Variants in CACNA2D1 observed in about 807,000 individuals in gnomAD.
The protein encoded by CACNA2D1 is voltage-dependent calcium channel subunit alpha-2/delta-1.
In CACNA2D1, 53 loss-of-function variants were observed where a neutral mutation model predicts 171.5. The observed-to-expected ratio is 0.31, with a 90% CI of 0.25 to 0.39. The LOEUF (loss-of-function observed/expected upper bound fraction) is 0.39. CACNA2D1 is among the 10% of genes least tolerant of loss of function. CACNA2D1 has a pLI of 1.00. For missense variants in CACNA2D1, 903 were observed against 1,299.8 expected (o/e 0.69, Z 4.69); for synonymous variants, 442 against 443.1 (o/e 1.00, Z 0.03).
At chr7:82,332,292 C>G (rs893441682) in intron 3 of CACNA2D1, among the ~76,000 whole-genome samples, 1 of 152,018 alleles carries the variant, frequency 6.6e-6, no homozygotes, top group Non-Finnish European at 1.5e-5. Context: ...GAACTCCTGA[C>G]CTCAGCTCCC....
intron 10 of CACNA2D1, among the ~76,000 whole-genome samples, chr7:82,049,362 C>T (rs947530146): frequency 3.3e-5 from 5 of 151,756 alleles, no homozygotes; most frequent in Non-Finnish European, 7.4e-5. Flanking sequence ...GTTTTAAGAC[C>T]TCCTCCCATC....
At chr7:82,123,573 C>T (rs1466358879) in intron 5 of CACNA2D1, among the ~76,000 whole-genome samples, 1 of 152,176 alleles carries the variant, frequency 6.6e-6, no homozygotes, top group Non-Finnish European at 1.5e-5. Flanking sequence ...AGCTCCTTCA[C>T]AGGCCCTCTT....
At chr7:81,999,808 C>G (rs1798405040) in intron 18 of CACNA2D1, among the ~76,000 whole-genome samples, 1 of 152,072 alleles carries the variant, frequency 6.6e-6, no homozygotes, top group Non-Finnish European at 1.5e-5. Context: ...AAGGCATAAA[C>G]ATAATTTTAA....
intron 1 of CACNA2D1, among the ~76,000 whole-genome samples, chr7:82,414,809 G>C (rs1828006173): frequency 6.6e-6 from 1 of 152,192 alleles, no homozygotes. Context: ...ATACACCCTA[G>C]AAGTGGACAC....
At chr7:82,097,812 C>T (rs1381523834) in intron 6 of CACNA2D1, among the ~76,000 whole-genome samples, 1 of 152,058 alleles carries the variant, frequency 6.6e-6, no homozygotes, top group East Asian at 1.9e-4. Flanking sequence ...TATGAATCCT[C>T]AGGTTTAAGA....
At chr7:82,203,949 T>C (rs2282940) in intron 3 of CACNA2D1, among the ~76,000 whole-genome samples, 29,884 of 152,136 alleles carry the variant, frequency 0.2, 3,275 homozygotes, top group African/African-American at 0.29. Context: ...AGCAGCCAAG[T>C]ATGCTGAGTA....
intron 7 of CACNA2D1, among the ~76,000 whole-genome samples, chr7:82,071,757 T>G (rs1246234672): frequency 2.0e-5 from 3 of 152,192 alleles, no homozygotes; most frequent in Admixed American, 1.3e-4. Context: ...TGCCAGAAAC[T>G]ATACTTTTCA....
chr7:82,012,010 A>C, intron 15 of CACNA2D1, 144 bp downstream of exon 15: 1 of 669,386 alleles, frequency 1.5e-6, no homozygotes. Flanking sequence ...AAATTATATA[A>C]ATTCTAGGAA....
intron 1 of CACNA2D1, among the ~76,000 whole-genome samples, chr7:82,405,624 T>C (rs978983689): frequency 6.6e-6 from 1 of 152,192 alleles, no homozygotes; most frequent in African/African-American, 2.4e-5. Context: ...ATACATAATA[T>C]ATGTACTTAC....
Position 81,950,185 on chromosome 7 carries a change from C to T in CACNA2D1, c.*207G>A, listed in dbSNP as rs916899552. On this transcript the variant is annotated 3_prime_UTR_variant, in exon 39 of 39. Transcript: ENST00000356860. The stretch of plus-strand genomic sequence containing the variant: ...GCTTTGATGTTACACATAGATGATG[C>T]AGCATTCACACACGTTTAAGGATCT... 10 of 780,926 alleles carry T rather than the reference C, an allele frequency of 1.3e-5. No individual in the cohort carries two copies. The highest frequency in any genetic ancestry group is 1.8e-5 in the Non-Finnish European group (9 of 499,096). 48.4% of individuals were successfully genotyped at this position (780,926 alleles called of 1,614,324 possible). A position where few individuals can be genotyped will look rare whatever the true frequency, so the allele number is the denominator to read the frequency against.
At chr7:81,958,879 A>C (rs1337907906) in intron 38 of CACNA2D1, among the ~76,000 whole-genome samples, 3 of 152,014 alleles carry the variant, frequency 2.0e-5, no homozygotes, top group Non-Finnish European at 4.4e-5. Flanking sequence ...TGTAATAATA[A>C]GACAATGGCT....
At chr7:82,275,021 T>C (rs1309150587) in intron 3 of CACNA2D1, among the ~76,000 whole-genome samples, 2 of 137,776 alleles carry the variant, frequency 1.5e-5, no homozygotes, top group East Asian at 3.9e-4. Flanking sequence ...AAAAGTATAC[T>C]GAGTGAAAAT....
At chr7:81,955,905 TGGGGGGG>T (rs59823054) in intron 38 of CACNA2D1, among the ~76,000 whole-genome samples, 3 of 53,934 alleles carry the variant, frequency 5.6e-5, no homozygotes, top group Non-Finnish European at 1.1e-4. Context: ...GTTATTTTGG[TGGGGGGG>T]GGGGGGGGTG....
intron 2 of CACNA2D1, among the ~76,000 whole-genome samples, chr7:82,349,265 T>C (rs569350671): frequency 6.6e-6 from 1 of 152,216 alleles, no homozygotes; most frequent in Admixed American, 6.5e-5. Flanking sequence ...GGAAACATTA[T>C]AATAGTAAGT....
intron 10 of CACNA2D1, among the ~76,000 whole-genome samples, chr7:82,040,998 CA>C (rs1230311532): frequency 6.9e-6 from 1 of 145,876 alleles, no homozygotes; most frequent in Admixed American, 7.0e-5. Context: ...CAAAACAAAA[CA>C]AACAAAAAAA....
intron 3 of CACNA2D1, among the ~76,000 whole-genome samples, chr7:82,321,063 C>G (rs1815775799): frequency 6.6e-6 from 1 of 151,058 alleles, no homozygotes; most frequent in Non-Finnish European, 1.5e-5. Context: ...AGACATAAGT[C>G]AGACATACCT....
intron 3 of CACNA2D1, among the ~76,000 whole-genome samples, chr7:82,171,961 T>G (rs1796065333): frequency 6.6e-6 from 1 of 151,880 alleles, no homozygotes; most frequent in Middle Eastern, 3.4e-3. Flanking sequence ...GTTTTTATAT[T>G]AATGTATTGG....
intron 3 of CACNA2D1, among the ~76,000 whole-genome samples, chr7:82,179,874 A>G (rs1311269735): frequency 1.3e-5 from 2 of 152,098 alleles, no homozygotes; most frequent in Non-Finnish European, 2.9e-5. Flanking sequence ...CATAAAGTCA[A>G]TAAACTGAAT....
rs532724138 is a variant in CACNA2D1 at position 82,103,034 on chromosome 7, G to A, written c.526+14010C>T. On this transcript the variant is annotated intron_variant, in intron 6 of 38. Transcript: ENST00000356860. ...CAAAAGAGGAACAACTTGGCCAGGC[G>A]CTTGGGCTCATGCTGGTAATCCCAG... is the stretch of plus-strand genomic sequence containing the variant. Among the ~76,000 whole-genome samples, 8 of 152,226 alleles carry A rather than the reference G, an allele frequency of 5.3e-5. No homozygotes were observed. In the East Asian group the frequency reaches 5.8e-4, roughly 11 times the overall value.
Sources: gnomAD v4.1 joint callset for allele counts (sites outside exome capture counted in the v4.1 genomes callset) on GRCh38, gnomAD v4.1.1 for gene constraint, MANE v1.5 for transcripts, NCBI Gene and HGNC (gene_info 2026-07-23, HGNC 2026-07-21) for gene names.